Variants in CTRB1 observed in about 807,000 individuals in gnomAD.
CTRB1 encodes chymotrypsinogen B.
In CTRB1, 15 loss-of-function variants were observed where a neutral mutation model predicts 20.4. The ratio of observed to expected loss-of-function variants is 0.74; its 90% confidence interval spans 0.49 to 1.13. The LOEUF is 1.13. Ranked by LOEUF, CTRB1 falls within the 50% of genes most tolerant of loss-of-function variation. The pLI, the probability that CTRB1 is intolerant of heterozygous loss-of-function variation, is 0.00. For synonymous variants in CTRB1, 92 were observed against 128.4 expected, an observed-to-expected ratio of 0.72 and a Z score of 1.92; for missense variants, 227 against 290.1, an observed-to-expected ratio of 0.78 and a Z score of 1.58.
chr16:75,219,659 C>G (rs903408197), intron 1 of CTRB1, among the ~76,000 whole-genome samples: 19 of 152,176 alleles, frequency 1.2e-4, no homozygotes, highest in Admixed American at 2.6e-4. Context: ...GCTGGGATTA[C>G]AGGCATGAGC....
chr16:75,224,699 CCACAGGG>C lies in CTRB1; in HGVS notation c.631-4_633del. On this transcript the variant is annotated splice_acceptor_variant and splice_polypyrimidine_tract_variant and coding_sequence_variant and intron_variant, in exon 7 of 7. Coordinates refer to ENST00000361017, the MANE Select transcript of CTRB1 (RefSeq NM_001906.6). LOFTEE classifies it high-confidence loss of function. The stretch of plus-strand genomic sequence containing the variant: ...AGATCCAAGCCCCCTTCTCCCTCTC[CCACAGGG>C]CGACTCTGGCGGCCCCCTGGTCTGC... 1 of 1,606,522 alleles carries C rather than the reference CCACAGGG, an allele frequency of 6.2e-7. No individual in the cohort carries two copies. Among genetic ancestry groups the C allele is most frequent in the Non-Finnish European group, 8.5e-7 (1 of 1,177,032 alleles).
At chr16:75,219,116 G>T in intron 1 of CTRB1, 57 bp downstream of exon 1, 1 of 1,530,830 alleles carries the variant, frequency 6.5e-7, no homozygotes. Flanking sequence ...TGGCTGAGAG[G>T]GGGATCTGAG....
At position 75,223,508 on chromosome 16, in the gene CTRB1, C is replaced by T; in HGVS notation, c.376C>T (p.Leu126=). The T allele has an allele frequency of 1.4e-6, 1 of 718,204 alleles. No individual in the cohort carries two copies. Among genetic ancestry groups the T allele is most frequent in the Non-Finnish European group, 2.2e-6 (1 of 453,626 alleles). 44.5% of individuals were successfully genotyped at this position (718,204 alleles called of 1,614,324 possible). Residue 126 remains leucine, a synonymous_variant, in exon 5 of 7, where the codon CTG becomes TTG. Coordinates refer to ENST00000361017, the MANE Select transcript of CTRB1 (RefSeq NM_001906.6). ...GAACAATGACATCACCCTGCTGAAGCTGGCCACACCTGCCCGCTTCTCCCA... is the reference window on the plus strand; with the variant it reads ...GAACAATGACATCACCCTGCTGAAGTTGGCCACACCTGCCCGCTTCTCCCA... ...TVNNDITLLK[L]ATPARFSQTV...
chr16:75,224,658 G>T, intron 6 of CTRB1, 47 bp from the exon 7 acceptor site: 2 of 1,569,168 alleles, frequency 1.3e-6, no homozygotes, highest in Non-Finnish European at 8.6e-7. Flanking sequence ...CCTGGGACCA[G>T]TCTGTCTCGG....
chr16:75,222,027 C>T (rs1224626639), intron 1 of CTRB1, among the ~76,000 whole-genome samples: 2 of 142,678 alleles, frequency 1.4e-5, no homozygotes, highest in African/African-American at 5.2e-5. Context: ...TGCCACTGTA[C>T]TCCAGCCTGG....
At chr16:75,221,216 T>C (rs910821869) in intron 1 of CTRB1, among the ~76,000 whole-genome samples, 1 of 152,176 alleles carries the variant, frequency 6.6e-6, no homozygotes, top group African/African-American at 2.4e-5. Flanking sequence ...GTTTGTTGGG[T>C]TGGCCCGCGC....
intron 1 of CTRB1, among the ~76,000 whole-genome samples, chr16:75,222,161 GAAAAA>G (rs34600337): frequency 2.1e-5 from 3 of 142,886 alleles, no homozygotes; most frequent in South Asian, 2.2e-4. Context: ...ACCCTAACTG[GAAAAA>G]AAAAAAAGAG....
intron 1 of CTRB1, among the ~76,000 whole-genome samples, chr16:75,220,881 C>T (rs557361162): frequency 2.0e-5 from 3 of 152,104 alleles, no homozygotes; most frequent in African/African-American, 7.2e-5. Flanking sequence ...GCCTCAGCCT[C>T]CTGAGTAGCT....
Position 75,221,117 on chromosome 16 carries a change from C to T in CTRB1, c.53-1651C>T, listed in dbSNP as rs1190646953. Among the ~76,000 whole-genome samples the T allele has an allele frequency of 3.3e-5, 5 of 152,238 alleles. No individual in the cohort carries two copies. In the East Asian group the frequency reaches 9.7e-4, roughly 29 times the overall value. Reference sequence around the variant, plus strand: ...TGCCTGTGTTCCTGTGGGCAGGAGACGCAGGGGCTGCCTTGTAAGCAGGCG... The same window carrying T: ...TGCCTGTGTTCCTGTGGGCAGGAGATGCAGGGGCTGCCTTGTAAGCAGGCG... On this transcript the variant is annotated intron_variant, in intron 1 of 6. Coordinates refer to ENST00000361017, the MANE Select transcript of CTRB1 (RefSeq NM_001906.6).
At position 75,224,725 on chromosome 16, in the gene CTRB1, G is replaced by T; in HGVS notation, c.651G>T (p.Leu217=). 1 of 1,612,154 alleles carries T rather than the reference G, an allele frequency of 6.2e-7. No individual in the cohort carries two copies. The highest frequency in any genetic ancestry group is 8.5e-7 in the Non-Finnish European group (1 of 1,179,418). Residue 217 remains leucine, a synonymous_variant, in exon 7 of 7, where the codon CTG becomes CTT. Coordinates refer to ENST00000361017, the MANE Select transcript of CTRB1 (RefSeq NM_001906.6). ...CACAGGGCGACTCTGGCGGCCCCCT[G>T]GTCTGCCAAAAGGATGGAGCCTGGA... ...SSCMGDSGGP[L]VCQKDGAWTL...
chr16:75,220,132 C>G (rs2039061599), intron 1 of CTRB1, among the ~76,000 whole-genome samples: 2 of 143,914 alleles, frequency 1.4e-5, no homozygotes, highest in Admixed American at 1.3e-4. Context: ...TACAGGCACG[C>G]TAAGTTTAAA....
At chr16:75,224,242 C>T (rs1282652644) in intron 6 of CTRB1, 54 bp downstream of exon 6, 10 of 1,505,576 alleles carry the variant, frequency 6.6e-6, no homozygotes, top group Admixed American at 2.2e-5. Flanking sequence ...CAGGGGAGGT[C>T]TGGGCTTTCC....
chr16:75,221,278 T>C (rs1273669516), intron 1 of CTRB1, among the ~76,000 whole-genome samples: 2 of 152,210 alleles, frequency 1.3e-5, no homozygotes, highest in African/African-American at 4.8e-5. Context: ...TGGGCGTGTG[T>C]GGAACACCTG....
intron 5 of CTRB1, 25 bp from the exon 6 acceptor site, chr16:75,224,030 C>T: frequency 2.3e-6 from 2 of 869,846 alleles, no homozygotes; most frequent in Non-Finnish European, 1.7e-6. Flanking sequence ...AGCCCAGGGG[C>T]CCTGACCCTC....
At chr16:75,222,620 G>C in intron 1 of CTRB1, 148 bp from the exon 2 acceptor site, 1 of 804,850 alleles carries the variant, frequency 1.2e-6, no homozygotes, top group Non-Finnish European at 1.9e-6. Flanking sequence ...CTAGAGACTT[G>C]GGGACCAGGG....
At chr16:75,224,577 C>G (rs916607941) in intron 6 of CTRB1, 128 bp from the exon 7 acceptor site, 129 of 1,140,368 alleles carry the variant, frequency 1.1e-4, no homozygotes, top group Non-Finnish European at 1.5e-4. Context: ...ATAACCCACG[C>G]AACAGCACAT....
chr16:75,224,640 C>A, intron 6 of CTRB1, 65 bp from the exon 7 acceptor site: 2 of 1,522,664 alleles, frequency 1.3e-6, no homozygotes, highest in Admixed American at 2.0e-5. Context: ...GAACAATGTC[C>A]AGTGGCCCCT....
rs779284294 is a variant in CTRB1, at chr16:75,220,064, G to A, written c.52+1005G>A. Among the ~76,000 whole-genome samples, 56 of 152,060 alleles carry A rather than the reference G, an allele frequency of 3.7e-4. 1 individual carries two copies. Among genetic ancestry groups the A allele is most frequent in the Non-Finnish European group, 1.5e-4 (10 of 67,954 alleles). ...TGGAGTGCAGTAGTGTGAGTTTGCA[G>A]CCTCAAACTCAAGGGCTCGAGTGAT... is the stretch of plus-strand genomic sequence containing the variant. On this transcript the variant is annotated intron_variant, in intron 1 of 6. Transcript: ENST00000361017.
chr16:75,220,686 T>C (rs4888360), intron 1 of CTRB1, among the ~76,000 whole-genome samples: 109,757 of 152,158 alleles, frequency 0.72, 39,912 homozygotes, highest in East Asian at 0.97. Context: ...TGACGTGGAG[T>C]TTCAGCTCAT....
Sources: allele counts gnomAD v4.1 joint callset (sites outside exome capture counted in the v4.1 genomes callset), GRCh38; gene constraint gnomAD v4.1.1; transcripts MANE v1.5; gene names NCBI Gene and HGNC (gene_info 2026-07-23, HGNC 2026-07-21).